TMC5: variants seen among roughly 807,000 people sequenced by gnomAD.
TMC5 encodes transmembrane channel like 5.
Under a neutral mutation model 110.5 loss-of-function variants are expected in TMC5, and 86 were observed. The observed-to-expected ratio is 0.78, with a 90% CI of 0.65 to 0.93. TMC5 has a LOEUF of 0.93. Among genes scored for constraint, TMC5 ranks in the 40% least tolerant of loss-of-function variants. The pLI, the probability that TMC5 is intolerant of heterozygous loss-of-function variation, is 0.00. For missense variants in TMC5, 1,144 were observed against 1,222.8 expected (o/e 0.94, Z 0.96); for synonymous variants, 455 against 439.5 (o/e 1.04, Z -0.44).
At chr16:19,461,944 G>A (rs1388229732) in intron 6 of TMC5, among the ~76,000 whole-genome samples, 2 of 152,098 alleles carry the variant, frequency 1.3e-5, no homozygotes, top group Non-Finnish European at 2.9e-5. Flanking sequence ...TGCCCTCCCT[G>A]ACTTTGCTGG....
At chr16:19,492,294 C>A in intron 19 of TMC5, 66 bp downstream of exon 19, 3 of 1,153,824 alleles carry the variant, frequency 2.6e-6, no homozygotes, top group South Asian at 1.3e-5. Context: ...AAACATCCTC[C>A]AAAATAAAGA....
chr16:19,477,517 A>AG lies in TMC5; in HGVS notation c.2169+1dup. 6.2e-7 allele frequency: 1 copy of AG among 1,603,286 alleles called. No homozygotes were observed. ...AACACCGTGGCCCTGTCTGGTGAAG[A>AG]GGTGAGATTCTATGCTTCTCTGCCT... On this transcript the variant is annotated frameshift_variant and splice_region_variant, in exon 13 of 22. Coordinates refer to ENST00000542583, the MANE Select transcript of TMC5 (RefSeq NM_001261841.2). LOFTEE classifies it high-confidence loss of function.
intron 2 of TMC5, among the ~76,000 whole-genome samples, chr16:19,437,174 C>CA (rs1270417684): frequency 6.6e-6 from 1 of 152,202 alleles, no homozygotes; most frequent in South Asian, 2.1e-4. Context: ...GACCCTGTCT[C>CA]AAAAAATAAA....
At chr16:19,421,533 T>C (rs909469926) in intron 1 of TMC5, among the ~76,000 whole-genome samples, 1 of 152,190 alleles carries the variant, frequency 6.6e-6, no homozygotes, top group Non-Finnish European at 1.5e-5. Context: ...GAACTGTGAG[T>C]CCATTAAACC....
At chr16:19,427,884 C>T (rs964070778) in intron 1 of TMC5, among the ~76,000 whole-genome samples, 5 of 152,168 alleles carry the variant, frequency 3.3e-5, no homozygotes, top group South Asian at 2.1e-4. Flanking sequence ...GAAAGCCAGC[C>T]GCACACTGCG....
chr16:19,487,103 C>T, intron 16 of TMC5, 83 bp downstream of exon 16: 1 of 1,608,406 alleles, frequency 6.2e-7, no homozygotes, highest in East Asian at 2.2e-5. Context: ...GAAGGGGGCT[C>T]TGCAAAGGTG....
At chr16:19,469,646 T>C (rs1175954083) in intron 9 of TMC5, 35 bp from the exon 10 acceptor site, 3 of 1,612,208 alleles carry the variant, frequency 1.9e-6, no homozygotes, top group South Asian at 2.2e-5. Flanking sequence ...ACGGCCATAA[T>C]AACCTTCAGG....
chr16:19,495,697 G>A (rs915999897), intron 20 of TMC5, among the ~76,000 whole-genome samples: 51 of 151,932 alleles, frequency 3.4e-4, no homozygotes, highest in Admixed American at 5.9e-4. Context: ...TTAATAATTA[G>A]GCACGGTGGC....
At chr16:19,492,268 T>G (rs1385987528) in intron 19 of TMC5, 40 bp downstream of exon 19, 1 of 1,441,498 alleles carries the variant, frequency 6.9e-7, no homozygotes, top group Non-Finnish European at 9.7e-7. Context: ...GCCCTCACCC[T>G]TTTTAAACGC....
At position 19,477,492 on chromosome 16, in the gene TMC5, A is replaced by G. The variant is rs1210298790; in HGVS notation, c.2143A>G (p.Asn715Asp). The G allele has an allele frequency of 6.2e-7, 1 of 1,612,544 alleles. No individual in the cohort carries two copies. Residue 715 changes from asparagine to aspartate, a missense_variant, in exon 13 of 22, where the codon AAC becomes GAC. Coordinates refer to ENST00000542583, the MANE Select transcript of TMC5 (RefSeq NM_001261841.2). ...IIGILCYYWL[N>D]TVALSGEECW... ...TGGCATTCTTTGTTACTATTGGCTC[A>G]ACACCGTGGCCCTGTCTGGTGAAGA...
chr16:19,460,594 A>C (rs1967996899), intron 6 of TMC5, among the ~76,000 whole-genome samples: 1 of 152,100 alleles, frequency 6.6e-6, no homozygotes, highest in Non-Finnish European at 1.5e-5. Context: ...AGAGGGGTGT[A>C]ACTTTCCAGT....
At chr16:19,418,625 C>A (rs1236940603) in intron 1 of TMC5, among the ~76,000 whole-genome samples, 1 of 151,808 alleles carries the variant, frequency 6.6e-6, no homozygotes, top group African/African-American at 2.4e-5. Flanking sequence ...CTATTTACTT[C>A]TTTATGGTGT....
chr16:19,487,220 C>A lies in TMC5; in HGVS notation c.2467C>A (p.Pro823Thr). 1 of 1,613,710 alleles carries A rather than the reference C, an allele frequency of 6.2e-7. No individual in the cohort carries two copies. Among genetic ancestry groups the A allele is most frequent in the African/African-American group, 1.3e-5 (1 of 75,034 alleles). Residue 823 changes from proline to threonine, a missense_variant, in exon 17 of 22, where the codon CCG becomes ACG. Coordinates refer to ENST00000542583, the MANE Select transcript of TMC5 (RefSeq NM_001261841.2). ...CAGCCTGATGATGAATTTCCAGCCTCCGAGCAAAGCCTGGCGGGCCTCACA... is the reference window on the plus strand; with the variant it reads ...CAGCCTGATGATGAATTTCCAGCCTACGAGCAAAGCCTGGCGGGCCTCACA... ...NISLMMNFQP[P>T]SKAWRASQMM...
At chr16:19,486,890 C>A (rs532441400) in intron 15 of TMC5, 55 bp from the exon 16 acceptor site, 12 of 1,504,588 alleles carry the variant, frequency 8.0e-6, no homozygotes, top group Middle Eastern at 1.7e-4. Context: ...CCCAGATTCA[C>A]CCCGACTCCT....
chr16:19,464,085 CCTTGCCG>C, intron 8 of TMC5, 61 bp downstream of exon 8: 1 of 1,564,042 alleles, frequency 6.4e-7, no homozygotes, highest in Non-Finnish European at 8.7e-7. Flanking sequence ...CAGGGACGTG[CCTTGCCG>C]GTCACCCACT....
chr16:19,425,143 C>T (rs1463943880), intron 1 of TMC5, among the ~76,000 whole-genome samples: 2 of 152,088 alleles, frequency 1.3e-5, no homozygotes, highest in African/African-American at 2.4e-5. Flanking sequence ...GAATAAAGAC[C>T]AAAGATATAT....
chr16:19,429,826 A>C (rs954373224), intron 1 of TMC5, among the ~76,000 whole-genome samples: 1 of 152,024 alleles, frequency 6.6e-6, no homozygotes, highest in African/African-American at 2.4e-5. Context: ...CTCCCAAAGT[A>C]CTGGGATTAC....
intron 12 of TMC5, among the ~76,000 whole-genome samples, chr16:19,475,638 T>A (rs1038483818): frequency 6.6e-6 from 1 of 152,086 alleles, no homozygotes; most frequent in African/African-American, 2.4e-5. Flanking sequence ...TCTGGACCTT[T>A]GCATGGGCCT....
At chr16:19,465,759 CCATAATACTGGTGACAGAGGCA>C (rs1968171687) in intron 8 of TMC5, among the ~76,000 whole-genome samples, 1 of 152,160 alleles carries the variant, frequency 6.6e-6, no homozygotes, top group South Asian at 2.1e-4. Flanking sequence ...GCATGTTTAG[CCATAATACTGGTGACAGAGGCA>C]CATAATACTG....
Sources: gnomAD v4.1 joint callset for allele counts (sites outside exome capture counted in the v4.1 genomes callset) on GRCh38, gnomAD v4.1.1 for gene constraint, MANE v1.5 for transcripts, NCBI Gene and HGNC (gene_info 2026-07-23, HGNC 2026-07-21) for gene names.